IGF1R: variants seen among roughly 807,000 people sequenced by gnomAD.
The protein encoded by IGF1R is insulin like growth factor 1 receptor, also known as insulin-like growth factor 1 receptor.
IGF1R carries 44 observed loss-of-function variants against 144.6 expected under a neutral mutation model. That is an observed-to-expected ratio of 0.30 (90% CI 0.24 to 0.39). The LOEUF (loss-of-function observed/expected upper bound fraction) is 0.39. IGF1R is among the 10% of genes least tolerant of loss of function. IGF1R has a pLI of 1.00. For synonymous variants in IGF1R, 795 were observed against 722.8 expected (o/e 1.10, Z -1.60); for missense variants, 1,355 against 1,833.7 (o/e 0.74, Z 4.77).
At chr15:98,918,252 A>G (rs1050867061) in intron 10 of IGF1R, among the ~76,000 whole-genome samples, 7 of 152,062 alleles carry the variant, frequency 4.6e-5, no homozygotes, top group Admixed American at 1.3e-4. Flanking sequence ...CGCAGTCCCC[A>G]CAGCACCCGC....
At chr15:98,688,029 T>C (rs2053373539) in intron 1 of IGF1R, among the ~76,000 whole-genome samples, 1 of 152,082 alleles carries the variant, frequency 6.6e-6, no homozygotes, top group Admixed American at 6.5e-5. Flanking sequence ...TGCTCTGTGG[T>C]TTGTAGCATG....
intron 13 of IGF1R, among the ~76,000 whole-genome samples, chr15:98,924,981 C>T (rs1274305949): frequency 6.8e-6 from 1 of 147,098 alleles, no homozygotes; most frequent in Non-Finnish European, 1.5e-5. Context: ...TTCAACCTGG[C>T]TTACATTCAA....
intron 5 of IGF1R, among the ~76,000 whole-genome samples, chr15:98,904,539 A>T (rs1411983256): frequency 6.6e-6 from 1 of 152,180 alleles, no homozygotes; most frequent in Non-Finnish European, 1.5e-5. Context: ...AGTGGACATG[A>T]TATAAACCAG....
At chr15:98,841,489 T>G (rs1248929821) in intron 2 of IGF1R, among the ~76,000 whole-genome samples, 4 of 152,232 alleles carry the variant, frequency 2.6e-5, no homozygotes, top group Non-Finnish European at 5.9e-5. Context: ...AGAGTTAGTT[T>G]CCAGCAGCCT....
At chr15:98,798,799 AG>A (rs1474859949) in intron 2 of IGF1R, among the ~76,000 whole-genome samples, 5 of 149,790 alleles carry the variant, frequency 3.3e-5, no homozygotes, top group African/African-American at 1.3e-4. Context: ...TTGGAAAGTT[AG>A]CAGAGAGCTT....
intron 14 of IGF1R, 122 bp downstream of exon 14, chr15:98,929,782 T>C: frequency 1.3e-6 from 1 of 756,312 alleles, no homozygotes; most frequent in African/African-American, 1.7e-5. Flanking sequence ...AAACCTGATT[T>C]TCCCATCAAA....
chr15:98,789,295 C>T (rs1335385693), intron 2 of IGF1R, among the ~76,000 whole-genome samples: 1 of 152,190 alleles, frequency 6.6e-6, no homozygotes, highest in African/African-American at 2.4e-5. Flanking sequence ...GTGCTGATGA[C>T]GCTTTTTCCC....
intron 5 of IGF1R, among the ~76,000 whole-genome samples, chr15:98,904,301 C>A (rs1457416154): frequency 6.6e-6 from 1 of 152,080 alleles, no homozygotes; most frequent in Non-Finnish European, 1.5e-5. Flanking sequence ...ATCTGCCTGC[C>A]TCGGCCTCTG....
At chr15:98,920,990 CCT>C (rs1160027013) in intron 10 of IGF1R, among the ~76,000 whole-genome samples, 2 of 152,190 alleles carry the variant, frequency 1.3e-5, no homozygotes, top group Non-Finnish European at 2.9e-5. Context: ...GTGAGCTTTC[CCT>C]CTCTGCTGCT....
chr15:98,930,145 A>G, intron 14 of IGF1R, 90 bp from the exon 15 acceptor site: 1 of 887,074 alleles, frequency 1.1e-6, no homozygotes, highest in South Asian at 1.4e-5. Flanking sequence ...GTGAGAGAGG[A>G]TAAATGAAAC....
chr15:98,962,381 G>C lies in IGF1R; in HGVS notation c.*4939G>C, dbSNP rs2017260465. The C allele has an allele frequency of 4.3e-6, 1 of 233,494 alleles. No homozygotes were observed. The highest frequency in any genetic ancestry group is 5.6e-5 in the Admixed American group (1 of 17,784). 14.5% of individuals were successfully genotyped at this position (233,494 alleles called of 1,614,324 possible). On this transcript the variant is annotated 3_prime_UTR_variant, in exon 21 of 21. Coordinates refer to ENST00000650285, the MANE Select transcript of IGF1R (RefSeq NM_000875.5). ...TCATTTCCTGGGCTAAGCAGCATTG[G>C]GAGATGTGGACCAGAGATCCACTCC...
rs794727336 is a variant in IGF1R at position 98,957,322 on chromosome 15, C to A, written c.3984C>A (p.Gly1328=). 6.2e-7 allele frequency: 1 copy of A among 1,612,444 alleles called. No homozygotes were observed. Among genetic ancestry groups the A allele is most frequent in the Admixed American group, 1.7e-5 (1 of 59,990 alleles). The stretch of plus-strand genomic sequence containing the variant: ...ACTCAGGACACAAGGCCGAGAACGG[C>A]CCCGGCCCTGGGGTGCTGGTCCTCC... The part of the protein sequence containing the change: ...DRHSGHKAEN[G]PGPGVLVLRA... Residue 1328 remains glycine, a synonymous_variant, in exon 21 of 21, where the codon GGC becomes GGA. Coordinates refer to ENST00000650285, the MANE Select transcript of IGF1R (RefSeq NM_000875.5).
intron 2 of IGF1R, among the ~76,000 whole-genome samples, chr15:98,717,721 G>A (rs1431246971): frequency 6.6e-6 from 1 of 152,172 alleles, no homozygotes; most frequent in Non-Finnish European, 1.5e-5. Context: ...AATATCCATA[G>A]ATTCTTGTAT....
intron 2 of IGF1R, among the ~76,000 whole-genome samples, chr15:98,710,917 G>A (rs528181441): frequency 6.6e-5 from 10 of 152,070 alleles, no homozygotes; most frequent in Non-Finnish European, 8.8e-5. Context: ...TGATCCGCCC[G>A]CCTCAGCCTC....
At chr15:98,939,473 G>A (rs45554539) in intron 18 of IGF1R, 113 bp downstream of exon 18, 19,014 of 980,934 alleles carry the variant, frequency 0.019, 247 homozygotes, top group Non-Finnish European at 0.025. Context: ...TTGAGTGCAC[G>A]GACTCCTTCT....
chr15:98,690,406 C>T (rs1360835063), intron 1 of IGF1R, among the ~76,000 whole-genome samples: 1 of 152,154 alleles, frequency 6.6e-6, no homozygotes, highest in African/African-American at 2.4e-5. Context: ...GTAAACATGC[C>T]AGGCCCCTCC....
In IGF1R at chr15:98,804,808, C is replaced by T. The variant is rs1320245110; in HGVS notation, c.641-86517C>T. Among the ~76,000 whole-genome samples the T allele has an allele frequency of 2.0e-5, 3 of 152,190 alleles. No homozygotes were observed. The East Asian group carries it at 5.8e-4, about 29-fold the overall frequency. ...CACATCCCCAGTTCAAGCAATTCTGCCTCAGCCTCCCGAGTAGCTGGAACT... is the reference window on the plus strand; with the variant it reads ...CACATCCCCAGTTCAAGCAATTCTGTCTCAGCCTCCCGAGTAGCTGGAACT... On this transcript the variant is annotated intron_variant, in intron 2 of 20. Transcript: ENST00000650285.
At position 98,964,456 on chromosome 15, in the gene IGF1R, G is replaced by A. The variant is rs569927494; in HGVS notation, c.*7014G>A. ...TTTGAATGGCTGAAGCTAAGGCAACGTTAGTTTCTCTTACTCTGCTTTTTT... is the reference window on the plus strand; with the variant it reads ...TTTGAATGGCTGAAGCTAAGGCAACATTAGTTTCTCTTACTCTGCTTTTTT... On this transcript the variant is annotated 3_prime_UTR_variant, in exon 21 of 21. Transcript: ENST00000650285. 2 of 225,438 alleles carry A rather than the reference G, an allele frequency of 8.9e-6. No homozygotes were observed. Among genetic ancestry groups the A allele is most frequent in the South Asian group, 1.8e-4 (1 of 5,494 alleles). The allele number at this position is 225,438 out of a possible 1,614,324, so 14.0% of individuals were successfully genotyped here. A position where few individuals can be genotyped will look rare whatever the true frequency, so the allele number is the denominator to read the frequency against.
chr15:98,780,987 T>G (rs1888090066), intron 2 of IGF1R, among the ~76,000 whole-genome samples: 1 of 152,128 alleles, frequency 6.6e-6, no homozygotes, highest in African/African-American at 2.4e-5. Context: ...CCGGGAGTCG[T>G]GGCATACAAT....
Sources: allele counts gnomAD v4.1 joint callset (sites outside exome capture counted in the v4.1 genomes callset), GRCh38; gene constraint gnomAD v4.1.1; transcripts MANE v1.5; gene names NCBI Gene and HGNC (gene_info 2026-07-23, HGNC 2026-07-21).